The following SOS1 variants were observed in gnomAD, a reference collection of about 807,000 sequenced individuals.
SOS1 encodes the protein SOS Ras/Rac guanine nucleotide exchange factor 1.
In SOS1, 25 loss-of-function variants were observed where a neutral mutation model predicts 157.6. That is an observed-to-expected ratio of 0.16 (90% CI 0.12 to 0.22). SOS1 has a LOEUF of 0.22. SOS1 is among the 10% of genes least tolerant of loss of function. The pLI, the probability that SOS1 is intolerant of heterozygous loss-of-function variation, is 1.00. For synonymous variants in SOS1, 528 were observed against 534.0 expected (o/e 0.99, Z 0.16); for missense variants, 1,237 against 1,599.1 (o/e 0.77, Z 3.86).
upstream of SOS1, among the ~76,000 whole-genome samples, chr2:39,121,855 T>G (rs568003239): frequency 2.6e-5 from 4 of 152,382 alleles, no homozygotes; most frequent in South Asian, 8.3e-4. Context: ...ACTGTTTGTT[T>G]ATAATAGGGG....
At chr2:39,063,186 G>A (rs1038089314) in intron 2 of SOS1, among the ~76,000 whole-genome samples, 1 of 151,862 alleles carries the variant, frequency 6.6e-6, no homozygotes, top group Non-Finnish European at 1.5e-5. Context: ...GCACTGGCAT[G>A]ATCATAGCTT....
At chr2:38,994,171 T>C (rs960838502) in intron 20 of SOS1, among the ~76,000 whole-genome samples, 1 of 152,198 alleles carries the variant, frequency 6.6e-6, no homozygotes, top group Non-Finnish European at 1.5e-5. Context: ...CAATCATAAA[T>C]TTTTATATTG....
intron 14 of SOS1, among the ~76,000 whole-genome samples, chr2:39,011,067 TTG>T (rs1669452416): frequency 6.6e-6 from 1 of 151,994 alleles, no homozygotes; most frequent in Admixed American, 6.6e-5. Context: ...GGCTAATTTT[TTG>T]TGTTTTTAGT....
chr2:39,097,633 T>C (rs981342277), intron 1 of SOS1, among the ~76,000 whole-genome samples: 14 of 151,920 alleles, frequency 9.2e-5, no homozygotes, highest in Non-Finnish European at 1.2e-4. Context: ...TCTCAGCTCA[T>C]TGCAACCTCT....
intron 21 of SOS1, among the ~76,000 whole-genome samples, chr2:38,988,771 T>C (rs1431102026): frequency 6.6e-6 from 1 of 152,146 alleles, no homozygotes; most frequent in Non-Finnish European, 1.5e-5. Flanking sequence ...AATGGAACTT[T>C]ATTTTGTTTA....
At chr2:38,999,651 C>T (rs1669025369) in intron 17 of SOS1, among the ~76,000 whole-genome samples, 1 of 152,150 alleles carries the variant, frequency 6.6e-6, no homozygotes, top group South Asian at 2.1e-4. Context: ...GCCATTTATA[C>T]TGTCCTCTAC....
At chr2:38,988,804 AAT>A (rs1668629215) in intron 21 of SOS1, among the ~76,000 whole-genome samples, 1 of 152,172 alleles carries the variant, frequency 6.6e-6, no homozygotes, top group South Asian at 2.1e-4. Flanking sequence ...CTATACTTTG[AAT>A]AATTACAATT....
intron 22 of SOS1, 60 bp from the exon 23 acceptor site, chr2:38,986,375 A>G (rs1668561853): frequency 1.4e-6 from 2 of 1,460,944 alleles, no homozygotes; most frequent in South Asian, 1.2e-5. Context: ...TATCATGACT[A>G]TAAGAATTAA....
At chr2:39,044,348 G>A (rs1375828472) in intron 6 of SOS1, among the ~76,000 whole-genome samples, 22 of 152,168 alleles carry the variant, frequency 1.4e-4, no homozygotes, top group Non-Finnish European at 2.8e-4. Flanking sequence ...GATCAGCCAT[G>A]AGAACTTTTG....
At chr2:38,989,489 CAT>C (rs1668661551) in intron 20 of SOS1, among the ~76,000 whole-genome samples, 175 bp from the exon 21 acceptor site, 1 of 152,020 alleles carries the variant, frequency 6.6e-6, no homozygotes, top group Non-Finnish European at 1.5e-5. Flanking sequence ...AAAATGATAT[CAT>C]ATTGGGAATT....
upstream of SOS1, among the ~76,000 whole-genome samples, chr2:39,122,634 A>C (rs1673934451): frequency 6.6e-6 from 1 of 152,122 alleles, no homozygotes; most frequent in South Asian, 2.1e-4. Flanking sequence ...TACTTGGTTT[A>C]CATTTGAAAA....
chr2:38,986,408 T>C (rs574804736), intron 22 of SOS1, 93 bp from the exon 23 acceptor site: 1 of 1,173,446 alleles, frequency 8.5e-7, no homozygotes, highest in Non-Finnish European at 1.2e-6. Context: ...AAACATGCTA[T>C]TGGCAGGATG....
At chr2:39,020,023 T>G (rs183506670) in intron 10 of SOS1, among the ~76,000 whole-genome samples, 31 of 151,776 alleles carry the variant, frequency 2.0e-4, no homozygotes, top group Middle Eastern at 3.4e-3. Flanking sequence ...CATATTCTAT[T>G]CATGAAAACA....
At chr2:39,016,414 C>T (rs545005050) in intron 10 of SOS1, among the ~76,000 whole-genome samples, 23 of 151,992 alleles carry the variant, frequency 1.5e-4, no homozygotes, top group Non-Finnish European at 3.1e-4. Flanking sequence ...TTACAGAGTT[C>T]CTCAAAAGTT....
At chr2:39,019,923 C>A (rs898753695) in intron 10 of SOS1, among the ~76,000 whole-genome samples, 1 of 151,468 alleles carries the variant, frequency 6.6e-6, no homozygotes, top group African/African-American at 2.4e-5. Context: ...CAGTTCAAAC[C>A]AAGGAAGTAA....
chr2:39,004,246 T>C (rs1288949164), intron 17 of SOS1, among the ~76,000 whole-genome samples: 2 of 151,714 alleles, frequency 1.3e-5, no homozygotes, highest in Non-Finnish European at 2.9e-5. Context: ...AAACCCTGTC[T>C]CTACTAAAAA....
At chr2:39,051,439 T>C (rs1020836245) in intron 5 of SOS1, 152 bp from the exon 6 acceptor site, 4 of 663,230 alleles carry the variant, frequency 6.0e-6, no homozygotes, top group Non-Finnish European at 1.0e-5. Context: ...TAAAGGACAA[T>C]TCAAGAATTC....
At chr2:39,104,439 TAAGAA>T (rs1673087866) in intron 1 of SOS1, among the ~76,000 whole-genome samples, 1 of 152,082 alleles carries the variant, frequency 6.6e-6, no homozygotes, top group African/African-American at 2.4e-5. Flanking sequence ...TAAGATGGGA[TAAGAA>T]AAGAAAGAAA....
At chr2:39,070,468 G>T (rs1671757940) in intron 1 of SOS1, among the ~76,000 whole-genome samples, 1 of 151,726 alleles carries the variant, frequency 6.6e-6, no homozygotes, top group South Asian at 2.1e-4. Context: ...TTCTACTCTT[G>T]TATGTTCACT....
Sources: allele counts gnomAD v4.1 joint callset (sites outside exome capture counted in the v4.1 genomes callset), GRCh38; gene constraint gnomAD v4.1.1; transcripts MANE v1.5; gene names NCBI Gene and HGNC (gene_info 2026-07-23, HGNC 2026-07-21).